MAD1L1: variants seen among roughly 807,000 people sequenced by gnomAD.
The protein encoded by MAD1L1 is mitotic arrest deficient 1 like 1.
A neutral mutation model predicts 96.9 loss-of-function variants in MAD1L1; 95 were observed. The observed-to-expected ratio is 0.98, with a 90% CI of 0.83 to 1.16. MAD1L1 has a LOEUF of 1.16. MAD1L1 is among the 50% of genes most tolerant of loss of function. MAD1L1 has a pLI of 0.00. For missense variants in MAD1L1, 1,007 were observed against 954.4 expected, an observed-to-expected ratio of 1.06 and a Z score of -0.73; for synonymous variants, 473 against 396.6, an observed-to-expected ratio of 1.19 and a Z score of -2.29.
At chr7:2,043,477 T>C (rs937301243) in intron 12 of MAD1L1, among the ~76,000 whole-genome samples, 1 of 152,194 alleles carries the variant, frequency 6.6e-6, no homozygotes, top group African/African-American at 2.4e-5. Flanking sequence ...CCACGCTCCT[T>C]AGGAGGCCCT....
intron 15 of MAD1L1, 23 bp downstream of exon 15, chr7:1,980,425 GTGTCC>G (rs1780846218): frequency 6.3e-7 from 1 of 1,592,782 alleles, no homozygotes; most frequent in African/African-American, 1.3e-5. Flanking sequence ...ACACCTGGGC[GTGTCC>G]GCCTCCTCTC....
intron 16 of MAD1L1, 75 bp downstream of exon 16, chr7:1,957,554 A>G: frequency 7.0e-7 from 1 of 1,438,472 alleles, no homozygotes; most frequent in Non-Finnish European, 9.6e-7. Context: ...GGCAGCAGGA[A>G]CCACGGTCGT....
intron 14 of MAD1L1, among the ~76,000 whole-genome samples, chr7:1,985,746 T>TGA (rs1338381247): frequency 6.6e-6 from 1 of 151,472 alleles, no homozygotes; most frequent in Non-Finnish European, 1.5e-5. Context: ...GTTTTCCCCG[T>TGA]GATTCGCCTC....
At chr7:2,163,143 G>A (rs561068314) in intron 10 of MAD1L1, among the ~76,000 whole-genome samples, 11 of 152,158 alleles carry the variant, frequency 7.2e-5, no homozygotes, top group Non-Finnish European at 1.2e-4. Context: ...TTACAATGAC[G>A]TGCAACAGGC....
chr7:1,847,691 C>T (rs1221692636), intron 18 of MAD1L1: 2 of 470,168 alleles, frequency 4.3e-6, no homozygotes. Flanking sequence ...CTGGGGAGAC[C>T]TCAGCTCTGG....
At chr7:1,975,607 G>A (rs1376908528) in intron 15 of MAD1L1, among the ~76,000 whole-genome samples, 1 of 152,202 alleles carries the variant, frequency 6.6e-6, no homozygotes, top group African/African-American at 2.4e-5. Flanking sequence ...ATGGAGATTT[G>A]TTGGATGAAA....
At chr7:1,957,786 G>C (rs764665572) in intron 15 of MAD1L1, 67 bp from the exon 16 acceptor site, 2 of 1,450,982 alleles carry the variant, frequency 1.4e-6, no homozygotes, top group Non-Finnish European at 1.9e-6. Flanking sequence ...CCCACCCTCT[G>C]GGTGATAAGG....
intron 11 of MAD1L1, among the ~76,000 whole-genome samples, chr7:2,132,377 G>A (rs1167010617): frequency 6.7e-6 from 1 of 148,992 alleles, no homozygotes; most frequent in Non-Finnish European, 1.5e-5. Context: ...GTCCCTGTGC[G>A]ACCGCGCGTC....
chr7:2,210,481 C>T (rs111284332), intron 10 of MAD1L1, among the ~76,000 whole-genome samples: 1,776 of 107,158 alleles, frequency 0.017, 11 homozygotes, highest in African/African-American at 0.061. Flanking sequence ...ACCGCCAGCC[C>T]GCATTCCCGT....
intron 18 of MAD1L1, among the ~76,000 whole-genome samples, chr7:1,861,205 G>C (rs1403398465): frequency 6.6e-6 from 1 of 152,152 alleles, no homozygotes; most frequent in Non-Finnish European, 1.5e-5. Flanking sequence ...CTCGGCCACG[G>C]CTAGGCTCTG....
intron 3 of MAD1L1, 173 bp from the exon 4 acceptor site, chr7:2,225,723 A>C: frequency 3.0e-6 from 2 of 665,334 alleles, no homozygotes; most frequent in Non-Finnish European, 5.0e-6. Context: ...GAGGGGCAGG[A>C]AACGGGAAGG....
At position 2,030,452 on chromosome 7, in the gene MAD1L1, C is replaced by T. The variant is rs143095835; in HGVS notation, c.1219-15810G>A. On this transcript the variant is annotated intron_variant, in intron 12 of 18. Transcript: ENST00000265854. ...AAAGTGTCACCAAATGCATTTCTTG[C>T]TTCACTTCTTTCATGAACAGATAAG... Among the ~76,000 whole-genome samples, 921 of 152,336 alleles carry T rather than the reference C, an allele frequency of 6.0e-3. 1 individual carries two copies. Among genetic ancestry groups the T allele is most frequent in the Middle Eastern group, 0.02 (6 of 294 alleles).
chr7:1,888,310 G>C (rs1439911758), intron 18 of MAD1L1, among the ~76,000 whole-genome samples: 2 of 136,484 alleles, frequency 1.5e-5, no homozygotes, highest in Middle Eastern at 3.5e-3. Context: ...CTATGTGACT[G>C]CCTATGTGTG....
intron 18 of MAD1L1, among the ~76,000 whole-genome samples, chr7:1,886,569 G>C (rs551427618): frequency 6.6e-6 from 1 of 152,248 alleles, no homozygotes; most frequent in East Asian, 1.9e-4. Flanking sequence ...CCTGGGGCTC[G>C]CACACCACAC....
intron 17 of MAD1L1, among the ~76,000 whole-genome samples, chr7:1,928,251 C>T (rs61150432): frequency 0.28 from 41,069 of 145,850 alleles, 5,737 homozygotes; most frequent in Middle Eastern, 0.39. Context: ...CACTGCTCCC[C>T]ACCACCCGCC....
chr7:1,932,551 G>GTGC (rs1168576573), intron 17 of MAD1L1, among the ~76,000 whole-genome samples: 2 of 152,266 alleles, frequency 1.3e-5, no homozygotes, highest in Non-Finnish European at 2.9e-5. Flanking sequence ...AAACTCGGAG[G>GTGC]TGCTGCTGCT....
intron 12 of MAD1L1, among the ~76,000 whole-genome samples, chr7:2,039,320 G>A (rs1311472744): frequency 6.6e-6 from 1 of 152,224 alleles, no homozygotes; most frequent in Non-Finnish European, 1.5e-5. Context: ...AAAGCTGCTA[G>A]GAAGAGTCCT....
intron 12 of MAD1L1, among the ~76,000 whole-genome samples, chr7:2,068,198 T>C (rs1207458505): frequency 2.0e-5 from 3 of 152,184 alleles, no homozygotes; most frequent in African/African-American, 7.2e-5. Flanking sequence ...ATCTGAGCTA[T>C]GCGCAGGGGC....
At chr7:2,065,268 A>G (rs557381968) in intron 12 of MAD1L1, among the ~76,000 whole-genome samples, 21 of 152,162 alleles carry the variant, frequency 1.4e-4, no homozygotes, top group Non-Finnish European at 2.6e-4. Flanking sequence ...GATCTGGCCT[A>G]AACTGCACCC....
Sources: allele counts gnomAD v4.1 joint callset (sites outside exome capture counted in the v4.1 genomes callset), GRCh38; gene constraint gnomAD v4.1.1; transcripts MANE v1.5; gene names NCBI Gene and HGNC (gene_info 2026-07-23, HGNC 2026-07-21).